Variants in VPS13B observed in about 807,000 individuals in gnomAD.
VPS13B encodes vacuolar protein sorting 13 homolog B, also known as intermembrane lipid transfer protein VPS13B.
VPS13B carries 285 observed loss-of-function variants against 426.4 expected under a neutral mutation model. That is an observed-to-expected ratio of 0.67 (90% confidence interval 0.61 to 0.74). The LOEUF (loss-of-function observed/expected upper bound fraction) is 0.74, where lower values mean the gene tolerates loss of function less well. Ranked by LOEUF, VPS13B falls within the 30% of genes least tolerant of loss-of-function variation. The probability of loss-of-function intolerance (pLI) is 0.00; values close to 1 mark genes in which losing one functional copy is unlikely to be tolerated. For synonymous variants in VPS13B, 1,676 were observed against 1,676.4 expected (o/e 1.00, Z 0.01); for missense variants, 4,537 against 4,782.6 (o/e 0.95, Z 1.51).
rs114583870 is a variant in VPS13B at position 99,114,405 on chromosome 8, A to T, written c.763-1295A>T. On this transcript the variant is annotated intron_variant, in intron 6 of 61. Transcript: ENST00000357162. ...TTTGTATTATCAGTTCAGGTTCTTT[A>T]TCCATTTTTCTACTGAGTATTAATC... Among the ~76,000 whole-genome samples, 278 of 152,276 alleles carry T rather than the reference A, an allele frequency of 1.8e-3. 2 individuals carry two copies. The highest frequency in any genetic ancestry group is 6.3e-3 in the African/African-American group (262 of 41,554).
chr8:99,779,347 C>T (rs187039533), intron 42 of VPS13B, among the ~76,000 whole-genome samples: 1 of 152,200 alleles, frequency 6.6e-6, no homozygotes, highest in Admixed American at 6.5e-5. Flanking sequence ...TTTAGTTTGC[C>T]AAAGCTTCAA....
intron 21 of VPS13B, among the ~76,000 whole-genome samples, chr8:99,413,192 T>G (rs1027940260): frequency 4.4e-5 from 6 of 135,020 alleles, no homozygotes; most frequent in South Asian, 2.2e-4. Context: ...GGGTCCTGGG[T>G]TTTTTTTTGT....
At chr8:99,319,472 C>G (rs910549868) in intron 19 of VPS13B, among the ~76,000 whole-genome samples, 4 of 152,138 alleles carry the variant, frequency 2.6e-5, no homozygotes, top group Non-Finnish European at 4.4e-5. Flanking sequence ...AGGTTTTTAA[C>G]TTACATGGAA....
intron 33 of VPS13B, among the ~76,000 whole-genome samples, chr8:99,633,416 A>ATC (rs1828930328): frequency 6.6e-6 from 1 of 152,042 alleles, no homozygotes; most frequent in Non-Finnish European, 1.5e-5. Flanking sequence ...GGCTGATTCA[A>ATC]TCTTAAAGCA....
chr8:99,099,802 G>A (rs933669863), intron 4 of VPS13B, among the ~76,000 whole-genome samples: 2 of 152,296 alleles, frequency 1.3e-5, no homozygotes, highest in Admixed American at 6.5e-5. Flanking sequence ...TTTCATCTGG[G>A]CCTGTGGATA....
At chr8:99,084,643 G>C (rs1386711372) in intron 3 of VPS13B, among the ~76,000 whole-genome samples, 1 of 152,104 alleles carries the variant, frequency 6.6e-6, no homozygotes, top group Non-Finnish European at 1.5e-5. Flanking sequence ...CAGAGATTCT[G>C]GTATGTTGTG....
intron 19 of VPS13B, among the ~76,000 whole-genome samples, chr8:99,371,007 C>G (rs1186958398): frequency 1.3e-5 from 2 of 152,186 alleles, no homozygotes; most frequent in Non-Finnish European, 2.9e-5. Context: ...CACCAAATCA[C>G]AAACCGCTTG....
chr8:99,545,121 A>G (rs769918451), intron 30 of VPS13B, among the ~76,000 whole-genome samples: 4 of 152,176 alleles, frequency 2.6e-5, no homozygotes, highest in Non-Finnish European at 5.9e-5. Flanking sequence ...AAACTCTGCC[A>G]TGTAAGACTC....
At chr8:99,702,223 T>G (rs555295969) in intron 36 of VPS13B, among the ~76,000 whole-genome samples, 1 of 152,322 alleles carries the variant, frequency 6.6e-6, no homozygotes, top group Non-Finnish European at 1.5e-5. Flanking sequence ...TGTTCTACAT[T>G]CAACTGAAAT....
intron 12 of VPS13B, among the ~76,000 whole-genome samples, chr8:99,137,575 T>C (rs1810141301): frequency 6.6e-6 from 1 of 151,994 alleles, no homozygotes; most frequent in African/African-American, 2.4e-5. Context: ...AGATTGAAAC[T>C]TCGCAGAGTT....
At chr8:99,618,115 TG>T (rs1446886235) in intron 33 of VPS13B, among the ~76,000 whole-genome samples, 1 of 151,984 alleles carries the variant, frequency 6.6e-6, no homozygotes, top group Non-Finnish European at 1.5e-5. Flanking sequence ...CTGGGAAGGG[TG>T]AGAGAAAAAG....
intron 35 of VPS13B, among the ~76,000 whole-genome samples, chr8:99,664,832 C>G (rs1014209154): frequency 6.6e-5 from 10 of 152,132 alleles, no homozygotes; most frequent in African/African-American, 2.4e-4. Flanking sequence ...GGTATATACC[C>G]AGTAATGGGA....
At chr8:99,725,801 C>T (rs572467124) in intron 39 of VPS13B, among the ~76,000 whole-genome samples, 1 of 152,312 alleles carries the variant, frequency 6.6e-6, no homozygotes, top group South Asian at 2.1e-4. Flanking sequence ...CATCTGTACA[C>T]ACAGTCTAAT....
intron 29 of VPS13B, among the ~76,000 whole-genome samples, chr8:99,518,482 A>G (rs1358248844): frequency 6.6e-6 from 1 of 152,180 alleles, no homozygotes; most frequent in East Asian, 1.9e-4. Context: ...TTTGCTATGG[A>G]TGTAAAAATA....
At chr8:99,587,174 A>G (rs1352205511) in intron 33 of VPS13B, among the ~76,000 whole-genome samples, 1 of 152,214 alleles carries the variant, frequency 6.6e-6, no homozygotes, top group Admixed American at 6.5e-5. Context: ...ACAGCTGCAT[A>G]GTATTCCATG....
chr8:99,773,498 T>G (rs1041169482), intron 40 of VPS13B, among the ~76,000 whole-genome samples: 4 of 152,200 alleles, frequency 2.6e-5, no homozygotes, highest in African/African-American at 9.6e-5. Context: ...TGAACACTCC[T>G]TGTTTAAAGA....
intron 35 of VPS13B, among the ~76,000 whole-genome samples, chr8:99,672,791 G>T (rs1830771639): frequency 6.6e-6 from 1 of 151,974 alleles, no homozygotes; most frequent in African/African-American, 2.4e-5. Context: ...GTCACATATG[G>T]CCTTTATTGT....
chr8:99,832,852 T>C (rs1339237217), intron 52 of VPS13B, among the ~76,000 whole-genome samples, 200 bp downstream of exon 52: 4 of 152,124 alleles, frequency 2.6e-5, no homozygotes, highest in Non-Finnish European at 4.4e-5. Context: ...ACTTAAGGGA[T>C]TTTTCCCCAT....
At chr8:99,058,272 T>A (rs1197929488) in intron 3 of VPS13B, among the ~76,000 whole-genome samples, 8 of 150,676 alleles carry the variant, frequency 5.3e-5, no homozygotes, top group East Asian at 1.9e-4. Flanking sequence ...AAGTCAGATT[T>A]AAAAAAAAAT....
Sources: allele counts gnomAD v4.1 joint callset (sites outside exome capture counted in the v4.1 genomes callset), GRCh38; gene constraint gnomAD v4.1.1; transcripts MANE v1.5; gene names NCBI Gene and HGNC (gene_info 2026-07-23, HGNC 2026-07-21).